The following ABCG1 variants were observed in gnomAD, a reference collection of about 807,000 sequenced individuals.
ABCG1 encodes the protein ATP binding cassette subfamily G member 1.
ABCG1 carries 29 observed loss-of-function variants against 69.2 expected under a neutral mutation model. The ratio of observed to expected loss-of-function variants is 0.42; its 90% confidence interval spans 0.31 to 0.57. ABCG1 has a LOEUF of 0.57. Ranked by LOEUF, ABCG1 falls within the 20% of genes least tolerant of loss-of-function variation. ABCG1 has a pLI of 0.15. For synonymous variants in ABCG1, 370 were observed against 374.8 expected, an observed-to-expected ratio of 0.99 and a Z score of 0.15; for missense variants, 718 against 898.1, an observed-to-expected ratio of 0.80 and a Z score of 2.56.
intron 1 of ABCG1, among the ~76,000 whole-genome samples, chr21:42,220,868 A>T (rs2067715015): frequency 6.6e-6 from 1 of 152,268 alleles, no homozygotes; most frequent in Admixed American, 6.5e-5. Flanking sequence ...TAGATCTTGT[A>T]TTAGATGCTA....
chr21:42,209,950 G>A (rs2067573196), intron 2 of ABCG1, among the ~76,000 whole-genome samples: 1 of 152,252 alleles, frequency 6.6e-6, no homozygotes, highest in African/African-American at 2.4e-5. Context: ...TGGTTGCCCA[G>A]CCACTTGGGA....
At chr21:42,239,132 G>A (rs535219238) in intron 2 of ABCG1, among the ~76,000 whole-genome samples, 88 of 152,336 alleles carry the variant, frequency 5.8e-4, no homozygotes, top group African/African-American at 2.0e-3. Context: ...GGAGGAGGCA[G>A]TATAGGATAG....
chr21:42,272,073 A>G (rs1349007994), intron 3 of ABCG1, among the ~76,000 whole-genome samples: 1 of 152,260 alleles, frequency 6.6e-6, no homozygotes, highest in Non-Finnish European at 1.5e-5. Context: ...GCAAATAGTA[A>G]TAATAGTAAT....
chr21:42,217,921 G>A (rs2067660239), upstream of ABCG1, among the ~76,000 whole-genome samples: 1 of 152,038 alleles, frequency 6.6e-6, no homozygotes, highest in Non-Finnish European at 1.5e-5. Context: ...TCGATCTCCT[G>A]ACCTCCCAAA....
chr21:42,278,145 A>C (rs4148124), intron 5 of ABCG1, among the ~76,000 whole-genome samples: 78,257 of 151,792 alleles, frequency 0.52, 20,350 homozygotes, highest in Middle Eastern at 0.61. Context: ...ATGAGTGGAA[A>C]CCAAAAGAGA....
chr21:42,203,237 T>C (rs766790821), intron 2 of ABCG1, among the ~76,000 whole-genome samples: 1 of 152,232 alleles, frequency 6.6e-6, no homozygotes, highest in Non-Finnish European at 1.5e-5. Context: ...GATTTGCAGA[T>C]ATTTTCTCCT....
intron 2 of ABCG1, among the ~76,000 whole-genome samples, chr21:42,232,303 A>G (rs2067912618): frequency 6.6e-6 from 1 of 152,056 alleles, no homozygotes; most frequent in Non-Finnish European, 1.5e-5. Flanking sequence ...CAGCCAGCAC[A>G]TTTTCTCCCT....
At chr21:42,249,695 G>A (rs1601391094) in intron 2 of ABCG1, among the ~76,000 whole-genome samples, 1 of 152,082 alleles carries the variant, frequency 6.6e-6, no homozygotes, top group African/African-American at 2.4e-5. Flanking sequence ...TAAAAAGACG[G>A]TATGGAGCTG....
At position 42,291,418 on chromosome 21, in the gene ABCG1, C is replaced by G. The variant is rs2069056580; in HGVS notation, c.1495-80C>G. 3.2e-6 allele frequency: 5 copies of G among 1,544,260 alleles called. No homozygotes were observed. The highest frequency in any genetic ancestry group is 4.4e-6 in the Non-Finnish European group (5 of 1,137,910). On this transcript the variant is annotated intron_variant, in intron 12 of 14. Transcript: ENST00000398449. The surrounding 1 kb of genome is among the most constrained non-coding windows in gnomAD (Gnocchi z 6.4). ...CTCTGGCGGGAGCTGCGGGGAAGGG[C>G]TGGCTGCCCAGGAGCTTTGCTGTTG... is the stretch of plus-strand genomic sequence containing the variant.
chr21:42,256,363 T>C (rs1298327679), intron 2 of ABCG1: 4 of 1,549,788 alleles, frequency 2.6e-6, no homozygotes, highest in Admixed American at 3.9e-5. Context: ...TCAGGAGAGG[T>C]TGGTCTGTCT....
At chr21:42,248,554 C>T (rs1294637539) in intron 2 of ABCG1, among the ~76,000 whole-genome samples, 1 of 152,122 alleles carries the variant, frequency 6.6e-6, no homozygotes, top group Non-Finnish European at 1.5e-5. Flanking sequence ...TTCATAACAA[C>T]AACAAGACTG....
intron 2 of ABCG1, among the ~76,000 whole-genome samples, chr21:42,243,383 G>C (rs540519954): frequency 4.6e-5 from 7 of 152,146 alleles, no homozygotes; most frequent in Non-Finnish European, 7.4e-5. Context: ...ATTTAAGAGA[G>C]AGCAGATTTT....
chr21:42,244,150 G>T (rs2068098434), intron 2 of ABCG1, among the ~76,000 whole-genome samples: 1 of 152,154 alleles, frequency 6.6e-6, no homozygotes, highest in Non-Finnish European at 1.5e-5. Context: ...GTTTTAAATT[G>T]CTCTTTTCTT....
chr21:42,243,445 CGCGTGTGTGTGT>C lies in ABCG1; in HGVS notation c.286+17533_286+17544del, dbSNP rs1439450843. On this transcript the variant is annotated intron_variant, in intron 2 of 14. Coordinates refer to ENST00000398449, the MANE Select transcript of ABCG1 (RefSeq NM_016818.3). ...ACCATATTTTAATACCGTGTGTGTG[CGCGTGTGTGTGT>C]GTGTGTGTGTGTGTGTGTGTGTGTG... 8.2e-3 allele frequency among the ~76,000 whole-genome samples: 651 copies of C among 79,722 alleles called. 7 individuals are homozygous for C. Among genetic ancestry groups the C allele is most frequent in the African/African-American group, 0.027 (611 of 22,582 alleles). 52.3% of individuals were successfully genotyped at this position (79,722 alleles called of 152,430 possible). A position where few individuals can be genotyped will look rare whatever the true frequency, so the allele number is the denominator to read the frequency against.
intron 2 of ABCG1, among the ~76,000 whole-genome samples, chr21:42,236,014 G>T (rs533475494): frequency 6.6e-6 from 1 of 152,306 alleles, no homozygotes; most frequent in South Asian, 2.1e-4. Flanking sequence ...TATAAAACGT[G>T]CTGGTTTTGT....
intron 2 of ABCG1, among the ~76,000 whole-genome samples, chr21:42,237,044 G>C (rs2067987713): frequency 6.6e-6 from 1 of 152,168 alleles, no homozygotes; most frequent in South Asian, 2.1e-4. Context: ...GTGCCTCTAG[G>C]CCTCCTCCCC....
intron 2 of ABCG1, among the ~76,000 whole-genome samples, chr21:42,202,989 G>A (rs536538031): frequency 6.6e-6 from 1 of 152,128 alleles, no homozygotes; most frequent in African/African-American, 2.4e-5. Context: ...CAATGGAACA[G>A]AATAGAAAAC....
chr21:42,201,873 C>A (rs535993756), intron 2 of ABCG1: 2 of 1,518,062 alleles, frequency 1.3e-6, no homozygotes, highest in African/African-American at 1.4e-5. Context: ...TGGTGAGGGG[C>A]CAGCCCGAGG....
At chr21:42,260,277 G>A (rs375107217) in intron 2 of ABCG1, 63 of 1,468,378 alleles carry the variant, frequency 4.3e-5, no homozygotes, top group African/African-American at 3.7e-4. Flanking sequence ...CCACGGAGCC[G>A]AATGGTGGCC....
Sources: allele counts gnomAD v4.1 joint callset (sites outside exome capture counted in the v4.1 genomes callset), GRCh38; gene constraint gnomAD v4.1.1; non-coding constraint Gnocchi (gnomAD v3.1); transcripts MANE v1.5; gene names NCBI Gene and HGNC (gene_info 2026-07-23, HGNC 2026-07-21).